Variants in MANEA observed in about 807,000 individuals in gnomAD.
The protein encoded by MANEA is mannosidase endo-alpha.
MANEA carries 25 observed loss-of-function variants against 36.8 expected under a neutral mutation model. That is an observed-to-expected ratio of 0.68 (90% CI 0.50 to 0.95). The LOEUF is 0.95. Among genes scored for constraint, MANEA ranks in the 40% least tolerant of loss-of-function variants. The probability of loss-of-function intolerance (pLI) is 0.00; values close to 1 mark genes in which losing one functional copy is unlikely to be tolerated. For synonymous variants in MANEA, 198 were observed against 188.5 expected, an observed-to-expected ratio of 1.05 and a Z score of -0.41; for missense variants, 565 against 558.8, an observed-to-expected ratio of 1.01 and a Z score of -0.11.
intron 1 of MANEA, among the ~76,000 whole-genome samples, chr6:95,582,827 ATGTG>A (rs1279860099): frequency 6.6e-6 from 1 of 152,146 alleles, no homozygotes; most frequent in African/African-American, 2.4e-5. Flanking sequence ...ATGTATGAAT[ATGTG>A]TGTATTTATG....
At chr6:95,580,013 TCCACC>T (rs1769149302) in intron 1 of MANEA, among the ~76,000 whole-genome samples, 1 of 152,224 alleles carries the variant, frequency 6.6e-6, no homozygotes, top group South Asian at 2.1e-4. Flanking sequence ...AATTAGTTCC[TCCACC>T]CCTTTCCTGC....
chr6:95,593,020 A>C (rs1769411654), intron 2 of MANEA, among the ~76,000 whole-genome samples: 1 of 152,196 alleles, frequency 6.6e-6, no homozygotes, highest in South Asian at 2.1e-4. Context: ...TTTTGCATTT[A>C]GTTTGCTAAT....
rs1303808565 is a variant in MANEA at position 95,608,091 on chromosome 6, G to GA, written c.*1690dup. Reference sequence around the variant, plus strand: ...CAGTAGTAGTAATCATTTTCTAGGGGAAAATAAAAGAATAAATCACTATAC... The same window carrying GA: ...CAGTAGTAGTAATCATTTTCTAGGGGAAAAATAAAAGAATAAATCACTATAC... On this transcript the variant is annotated 3_prime_UTR_variant, in exon 5 of 5. Transcript: ENST00000358812. The GA allele has an allele frequency of 1.3e-5, 2 of 151,678 alleles. No homozygotes were observed. The highest frequency in any genetic ancestry group is 3.8e-4 in the East Asian group (2 of 5,198). 9.4% of individuals were successfully genotyped at this position (151,678 alleles called of 1,614,324 possible).
intron 2 of MANEA, among the ~76,000 whole-genome samples, chr6:95,591,989 A>G (rs1400721491): frequency 2.0e-5 from 3 of 152,222 alleles, no homozygotes; most frequent in Non-Finnish European, 4.4e-5. Flanking sequence ...GGCGTCAGCC[A>G]CCGTGTCCAG....
chr6:95,586,797 T>C lies in MANEA; in HGVS notation c.358T>C (p.Tyr120His). 1.2e-6 allele frequency: 2 copies of C among 1,613,916 alleles called. No homozygotes were observed. Among genetic ancestry groups the C allele is most frequent in the Admixed American group, 1.7e-5 (1 of 60,026 alleles). Residue 120 changes from tyrosine to histidine, a missense_variant, in exon 2 of 5, where the codon TAT becomes CAT. By Grantham distance (83) the Tyr-to-His change is moderately conservative. Coordinates refer to ENST00000358812, the MANE Select transcript of MANEA (RefSeq NM_024641.4). ...WYGNPQFDGK[Y>H]IHWNHPVLEH... ...TGGAAATCCACAATTTGATGGTAAA[T>C]ATATACATTGGAATCATCCAGTGTT...
chr6:95,578,836 A>G (rs1269569819), intron 1 of MANEA, among the ~76,000 whole-genome samples: 1 of 152,228 alleles, frequency 6.6e-6, no homozygotes, highest in African/African-American at 2.4e-5. Context: ...AAACATAACC[A>G]TATAGCAGCA....
chr6:95,598,953 T>A (rs1304518012), intron 3 of MANEA, among the ~76,000 whole-genome samples: 1 of 152,120 alleles, frequency 6.6e-6, no homozygotes, highest in African/African-American at 2.4e-5. Context: ...CTCAACCACC[T>A]TGTAGCTTTA....
At position 95,606,400 on chromosome 6, in the gene MANEA, T is replaced by C. The variant is rs1366689119; in HGVS notation, c.1384T>C (p.Ser462Pro). 1 of 1,585,894 alleles carries C rather than the reference T, an allele frequency of 6.3e-7. No homozygotes were observed. Among genetic ancestry groups the C allele is most frequent in the South Asian group, 1.1e-5 (1 of 88,872 alleles). Residue 462 changes from serine (S) to proline (P), a missense_variant, in exon 5 of 5, where the codon TCT (serine) becomes CCT (proline). Transcript: ENST00000358812. ...TGCATTAGATCGCCAGCTGCCTGTT[T>C]CTTAATGCATTGATTAAAGTTTAAT... ...TYALDRQLPV[S>P]
Position 95,605,894 on chromosome 6 carries a change from C to T in MANEA, c.878C>T (p.Ser293Phe). The T allele has an allele frequency of 6.2e-7, 1 of 1,613,914 alleles. No individual in the cohort carries two copies. The highest frequency in any genetic ancestry group is 8.5e-7 in the Non-Finnish European group (1 of 1,179,972). The change falls in exon 5 of 5, where the codon TCT becomes TTT. Residue 293 changes from serine (S) to phenylalanine (F), a missense_variant. Transcript: ENST00000358812. ...TTSGSRSIRNSPYDGLFIALL... is the reference protein window; with the variant it reads ...TTSGSRSIRNFPYDGLFIALL... Reference sequence around the variant, plus strand: ...TCAGGGTCTCGGAGTATTCGCAATTCTCCTTATGATGGACTGTTTATTGCC... The same window carrying T: ...TCAGGGTCTCGGAGTATTCGCAATTTTCCTTATGATGGACTGTTTATTGCC...
rs113485216 is a variant in MANEA at position 95,586,993 on chromosome 6, G to GTA, written c.544+22_544+23dup. 1.0e-3 allele frequency: 1,355 copies of GTA among 1,295,454 alleles called. 3 individuals are homozygous for GTA. The highest frequency in any genetic ancestry group is 4.0e-3 in the East Asian group (154 of 38,326). The allele number at this position is 1,295,454 out of a possible 1,614,324, so 80.2% of individuals were successfully genotyped here. ...CGCTCAGCTTCAATTGGTAATTATT[G>GTA]TATATATATATATGTGTGTTTGTGT... On this transcript the variant is annotated intron_variant, in intron 2 of 4. Transcript: ENST00000358812.
chr6:95,579,146 G>A lies in MANEA; in HGVS notation c.-39+1508G>A, dbSNP rs1298673103. ...AGCACTTTGGGAGGCCGAAGTGGGT[G>A]GATCATGAGGTCAAGAGATCGAGAC... On this transcript the variant is annotated intron_variant, in intron 1 of 4. Coordinates refer to ENST00000358812, the MANE Select transcript of MANEA (RefSeq NM_024641.4). Among the ~76,000 whole-genome samples, 3 of 152,142 alleles carry A rather than the reference G, an allele frequency of 2.0e-5. No individual in the cohort carries two copies. The East Asian group carries it at 5.8e-4, about 29-fold the overall frequency.
intron 1 of MANEA, among the ~76,000 whole-genome samples, chr6:95,583,567 CAG>C (rs1769224041): frequency 6.6e-6 from 1 of 151,920 alleles, no homozygotes; most frequent in Non-Finnish European, 1.5e-5. Flanking sequence ...AAGTTTGAAA[CAG>C]ACAAAATACA....
In MANEA at chr6:95,604,873, T is replaced by G. The variant is rs772400281; in HGVS notation, c.701T>G (p.Met234Arg). 1 of 1,473,774 alleles carries G rather than the reference T, an allele frequency of 6.8e-7. No homozygotes were observed. The highest frequency in any genetic ancestry group is 1.4e-5 in the South Asian group (1 of 73,020). 91.3% of individuals were successfully genotyped at this position (1,473,774 alleles called of 1,614,324 possible). A position where few individuals can be genotyped will look rare whatever the true frequency, so the allele number is the denominator to read the frequency against. Reference protein sequence around the residue: ...EPYSNRDDQNMYKNVKYIIDK... With the variant: ...EPYSNRDDQNRYKNVKYIIDK... ...TATAGCAATCGAGATGATCAAAACATGTACAAAAATGTCAAGTATATTATA... is the reference window on the plus strand; with the variant it reads ...TATAGCAATCGAGATGATCAAAACAGGTACAAAAATGTCAAGTATATTATA... The change falls in exon 4 of 5, where the codon ATG becomes AGG. Residue 234 changes from methionine (M) to arginine (R), a missense_variant. Transcript: ENST00000358812.
intron 3 of MANEA, among the ~76,000 whole-genome samples, chr6:95,601,044 G>GT (rs1054486164): frequency 1.2e-4 from 18 of 151,404 alleles, no homozygotes; most frequent in Admixed American, 2.0e-4. Context: ...ATGTGACTAG[G>GT]TTTTTTTTTG....
In MANEA at chr6:95,606,456, A is replaced by G. The variant is rs768737935; in HGVS notation, c.*51A>G. The G allele has an allele frequency of 2.9e-6, 4 of 1,395,914 alleles. No individual in the cohort carries two copies. Among genetic ancestry groups the G allele is most frequent in the Non-Finnish European group, 3.8e-6 (4 of 1,039,790 alleles). 86.5% of individuals were successfully genotyped at this position (1,395,914 alleles called of 1,614,324 possible). A position where few individuals can be genotyped will look rare whatever the true frequency, so the allele number is the denominator to read the frequency against. On this transcript the variant is annotated 3_prime_UTR_variant, in exon 5 of 5. Transcript: ENST00000358812. ...TCAAAATCACCTAATTTTTAAAAATAGCTTTCGTTTTGAGTTCTGGAAAGA... is the reference window on the plus strand; with the variant it reads ...TCAAAATCACCTAATTTTTAAAAATGGCTTTCGTTTTGAGTTCTGGAAAGA...
intron 2 of MANEA, among the ~76,000 whole-genome samples, chr6:95,592,204 C>G (rs541207977): frequency 1.6e-4 from 25 of 152,252 alleles, no homozygotes; most frequent in African/African-American, 6.0e-4. Flanking sequence ...TGTTAATGAG[C>G]CTATTAAAGG....
At chr6:95,600,206 T>C (rs1769562250) in intron 3 of MANEA, among the ~76,000 whole-genome samples, 1 of 152,182 alleles carries the variant, frequency 6.6e-6, no homozygotes, top group Non-Finnish European at 1.5e-5. Context: ...TTGATCTCTC[T>C]GTGCTAGGGA....
intron 1 of MANEA, among the ~76,000 whole-genome samples, chr6:95,583,741 G>A (rs1769227631): frequency 7.8e-6 from 1 of 127,786 alleles, no homozygotes; most frequent in Non-Finnish European, 1.7e-5. Flanking sequence ...TTTTAAGCTG[G>A]CAGATTTCTT....
Position 95,582,695 on chromosome 6 carries a change from T to C in MANEA, c.-38-3707T>C, listed in dbSNP as rs540170316. Among the ~76,000 whole-genome samples the C allele has an allele frequency of 1.2e-3, 190 of 152,364 alleles. 2 individuals are homozygous for C. The highest frequency in any genetic ancestry group is 4.5e-3 in the African/African-American group (186 of 41,594). ...TTACTTTTCCTGCATATTCACCATA[T>C]GGTAATATTTTACCATATTTGCTTA... On this transcript the variant is annotated intron_variant, in intron 1 of 4. Transcript: ENST00000358812.
Sources: gnomAD v4.1 joint callset for allele counts (sites outside exome capture counted in the v4.1 genomes callset) on GRCh38, gnomAD v4.1.1 for gene constraint, MANE v1.5 for transcripts, NCBI Gene and HGNC (gene_info 2026-07-23, HGNC 2026-07-21) for gene names.